The following NCKAP5 variants were observed in gnomAD, a reference collection of about 807,000 sequenced individuals.
NCKAP5 encodes the protein nck-associated protein 5.
Under a neutral mutation model 167.0 loss-of-function variants are expected in NCKAP5, and 92 were observed. The ratio of observed to expected loss-of-function variants is 0.55; its 90% CI spans 0.47 to 0.66. The LOEUF is 0.66. Ranked by LOEUF, NCKAP5 falls within the 30% of genes least tolerant of loss-of-function variation. The probability of loss-of-function intolerance (pLI) is 0.00; values close to 1 mark genes in which losing one functional copy is unlikely to be tolerated. For missense variants in NCKAP5, 2,378 were observed against 2,315.0 expected, an observed-to-expected ratio of 1.03 and a Z score of -0.56; for synonymous variants, 891 against 877.4, an observed-to-expected ratio of 1.02 and a Z score of -0.27.
chr2:133,465,668 CTGT>C (rs1240110845), intron 3 of NCKAP5, among the ~76,000 whole-genome samples: 35 of 152,008 alleles, frequency 2.3e-4, no homozygotes, highest in Non-Finnish European at 3.2e-4. Flanking sequence ...TCTCCAGCAC[CTGT>C]TGTTTCCTGA....
chr2:133,614,667 G>A, the NCKAP5 span, among the ~76,000 whole-genome samples: 6 of 152,160 alleles, frequency 3.9e-5, no homozygotes, highest in Non-Finnish European at 5.9e-5. Flanking sequence ...CCAAATCTAC[G>A]TCTGATTGGT....
In NCKAP5 at chr2:133,568,241, A is replaced by G. The variant is rs1416314832; in HGVS notation, c.-155T>C. On this transcript the variant is annotated 5_prime_UTR_variant, in exon 1 of 20. An upstream start codon of the reference 5' UTR is lost. Transcript: ENST00000409261. ...TTGTAGTTAGCTCTTCAGTCAACAC[A>G]TATCACAGTCCTGGAGACAGACACA... 3 of 152,246 alleles carry G rather than the reference A, an allele frequency of 2.0e-5. No individual in the cohort carries two copies. The highest frequency in any genetic ancestry group is 4.8e-5 in the African/African-American group (2 of 41,460). The allele number at this position is 152,246 out of a possible 1,614,324, so 9.4% of individuals were successfully genotyped here.
intron 11 of NCKAP5, among the ~76,000 whole-genome samples, chr2:132,824,320 C>T (rs534642122): frequency 5.3e-5 from 8 of 152,286 alleles, no homozygotes; most frequent in Admixed American, 1.3e-4. Context: ...ACTAGGGGCT[C>T]ATGCCAAGAT....
At position 133,246,712 on chromosome 2, in the gene NCKAP5, C is replaced by A. The variant is rs915207175; in HGVS notation, c.144-32933G>T. 2.0e-5 allele frequency among the ~76,000 whole-genome samples: 3 copies of A among 152,228 alleles called. No homozygotes were observed. In the East Asian group the frequency reaches 5.8e-4, roughly 29 times the overall value. On this transcript the variant is annotated intron_variant, in intron 4 of 19. Transcript: ENST00000409261. Reference sequence around the variant, plus strand: ...CGTTGAAAATAAAATGTGTTTCTCACTGCGGCTTCCAATCAAGAAAGTCTG... The same window carrying A: ...CGTTGAAAATAAAATGTGTTTCTCAATGCGGCTTCCAATCAAGAAAGTCTG...
intron 6 of NCKAP5, among the ~76,000 whole-genome samples, chr2:133,038,755 CTACT>C (rs960974117): frequency 3.3e-5 from 5 of 151,590 alleles, no homozygotes; most frequent in African/African-American, 4.9e-5. Context: ...ATATATATAC[CTACT>C]ATGTACCCAG....
At chr2:133,229,011 T>A (rs2087020156) in intron 4 of NCKAP5, among the ~76,000 whole-genome samples, 1 of 152,044 alleles carries the variant, frequency 6.6e-6, no homozygotes, top group African/African-American at 2.4e-5. Context: ...AGAGGTGAAA[T>A]GAATGGAACC....
chr2:133,614,781 T>C, the NCKAP5 span, among the ~76,000 whole-genome samples: 1 of 150,986 alleles, frequency 6.6e-6, no homozygotes, highest in Non-Finnish European at 1.5e-5. Flanking sequence ...AACATTCAGA[T>C]TCAGGAAATA....
intron 4 of NCKAP5, among the ~76,000 whole-genome samples, chr2:133,253,801 AT>A (rs377030686): frequency 1.4e-4 from 21 of 152,334 alleles, no homozygotes; most frequent in African/African-American, 4.6e-4. Context: ...ATAAATTCAA[AT>A]GTGAGAAAGT....
At chr2:133,029,383 C>T (rs994217293) in intron 6 of NCKAP5, among the ~76,000 whole-genome samples, 3 of 152,172 alleles carry the variant, frequency 2.0e-5, no homozygotes, top group African/African-American at 7.2e-5. Context: ...GTTAAAGTAA[C>T]TTGCCCCAGA....
intron 4 of NCKAP5, among the ~76,000 whole-genome samples, chr2:133,222,748 A>G (rs1356329730): frequency 6.6e-6 from 1 of 152,222 alleles, no homozygotes; most frequent in East Asian, 1.9e-4. Flanking sequence ...GCTCATGCAG[A>G]CTGGAAAGCA....
intron 6 of NCKAP5, among the ~76,000 whole-genome samples, chr2:133,066,186 A>G (rs1247392767): frequency 6.6e-6 from 1 of 152,244 alleles, no homozygotes; most frequent in Non-Finnish European, 1.5e-5. Context: ...TAGTACATCA[A>G]TATGGTGAAA....
chr2:133,547,165 C>T (rs551803856), intron 2 of NCKAP5, among the ~76,000 whole-genome samples: 9 of 152,326 alleles, frequency 5.9e-5, no homozygotes, highest in Admixed American at 5.9e-4. Flanking sequence ...TTGCGCTATT[C>T]GGACCGGCTT....
At chr2:133,094,990 G>A (rs944730390) in intron 6 of NCKAP5, among the ~76,000 whole-genome samples, 2 of 152,158 alleles carry the variant, frequency 1.3e-5, no homozygotes, top group Non-Finnish European at 2.9e-5. Flanking sequence ...CAATATGAAT[G>A]AGCTTGGAAG....
intron 6 of NCKAP5, among the ~76,000 whole-genome samples, chr2:133,095,757 T>C (rs560259745): frequency 1.3e-5 from 2 of 152,312 alleles, no homozygotes; most frequent in South Asian, 4.2e-4. Context: ...ACATCATGAG[T>C]AGATAAATTA....
chr2:132,820,786 A>G (rs2105318066), intron 11 of NCKAP5, among the ~76,000 whole-genome samples: 1 of 152,294 alleles, frequency 6.6e-6, no homozygotes, highest in Non-Finnish European at 1.5e-5. Context: ...AGAAGAAAAG[A>G]TTTTGGTGGC....
At chr2:132,887,352 C>CTATCTATCT (rs1558902689) in intron 8 of NCKAP5, among the ~76,000 whole-genome samples, 2,306 of 112,758 alleles carry the variant, frequency 0.02, 28 homozygotes, top group African/African-American at 0.03. Flanking sequence ...TCTATCTATC[C>CTATCTATCT]ATCCATCCAT....
chr2:132,847,601 A>T (rs1350502618), intron 11 of NCKAP5, among the ~76,000 whole-genome samples: 1 of 152,220 alleles, frequency 6.6e-6, no homozygotes, highest in African/African-American at 2.4e-5. Context: ...TTTAAGTATT[A>T]ACTGAGCCAC....
At chr2:132,701,019 C>T (rs1042936533) in intron 19 of NCKAP5, among the ~76,000 whole-genome samples, 10 of 151,124 alleles carry the variant, frequency 6.6e-5, no homozygotes, top group Admixed American at 2.6e-4. Context: ...GGCAATAGGT[C>T]TGTGGGTAGG....
chr2:132,832,198 T>C (rs1392814923), intron 11 of NCKAP5, among the ~76,000 whole-genome samples: 1 of 152,168 alleles, frequency 6.6e-6, no homozygotes, highest in African/African-American at 2.4e-5. Flanking sequence ...TTTTGGAATA[T>C]TATCTTTAAA....
Sources: allele counts gnomAD v4.1 joint callset (sites outside exome capture counted in the v4.1 genomes callset), GRCh38; gene constraint gnomAD v4.1.1; transcripts MANE v1.5; gene names NCBI Gene and HGNC (gene_info 2026-07-23, HGNC 2026-07-21).